Variants in ADGRL1 observed in about 807,000 individuals in gnomAD.
ADGRL1 encodes the protein adhesion G protein-coupled receptor L1.
Under a neutral mutation model 148.9 loss-of-function variants are expected in ADGRL1, and 31 were observed. That is an observed-to-expected ratio of 0.21 (90% CI 0.16 to 0.28). The LOEUF is 0.28. ADGRL1 is among the 10% of genes least tolerant of loss of function. The probability of loss-of-function intolerance (pLI) is 1.00; values close to 1 mark genes in which losing one functional copy is unlikely to be tolerated. For synonymous variants in ADGRL1, 937 were observed against 900.3 expected, an observed-to-expected ratio of 1.04 and a Z score of -0.73; for missense variants, 1,521 against 2,058.8, an observed-to-expected ratio of 0.74 and a Z score of 5.05.
intron 4 of ADGRL1, chr19:14,166,882 G>T: frequency 1.1e-6 from 1 of 923,342 alleles, no homozygotes. Context: ...GGACAACCCA[G>T]GGTGGGGGAT....
chr19:14,203,652 T>TC (rs1209310576), intron 1 of ADGRL1, among the ~76,000 whole-genome samples: 5 of 151,902 alleles, frequency 3.3e-5, no homozygotes, highest in African/African-American at 1.2e-4. Flanking sequence ...GAGAAAGGGC[T>TC]CCCCTGGGCA....
chr19:14,151,044 GC>G lies in ADGRL1; in HGVS notation c.4238del (p.Gly1413AlafsTer115). The G allele has an allele frequency of 2.0e-6, 3 of 1,499,530 alleles. No homozygotes were observed. Among genetic ancestry groups the G allele is most frequent in the Non-Finnish European group, 1.8e-6 (2 of 1,121,356 alleles). The allele number at this position is 1,499,530 out of a possible 1,614,324, so 92.9% of individuals were successfully genotyped here. ...ALPPPPPAPP[G>X]PPEIYYTSRP... ...GCGAGGTGTAGTAGATTTCGGGGGG[GC>G]CGGGGGGTGCGGGAGGGGGTGGGGG... On this transcript the variant is annotated frameshift_variant, in exon 23 of 23. Coordinates refer to ENST00000361434, the MANE Select transcript of ADGRL1 (RefSeq NM_014921.5). LOFTEE classifies it high-confidence loss of function.
Position 14,159,267 on chromosome 19 carries a change from C to T in ADGRL1, c.2024-52G>A, listed in dbSNP as rs765843312. On this transcript the variant is annotated intron_variant, in intron 10 of 22. Transcript: ENST00000361434. This position sits in a 1 kb window ranked among gnomAD's most constrained non-coding sequence, Gnocchi z 6.0. Reference sequence around the variant, plus strand: ...TACACAGTTGGGGTCTGTTCCCAGTCCAGGGGCTCAGGCTGCAGAACGAGA... The same window carrying T: ...TACACAGTTGGGGTCTGTTCCCAGTTCAGGGGCTCAGGCTGCAGAACGAGA... 3.1e-6 allele frequency: 5 copies of T among 1,600,004 alleles called. No homozygotes were observed. In the South Asian group the frequency reaches 5.6e-5, roughly 18 times the overall value.
chr19:14,177,829 C>A, intron 2 of ADGRL1, 85 bp from the exon 3 acceptor site: 1 of 1,248,392 alleles, frequency 8.0e-7, no homozygotes, highest in East Asian at 2.5e-5. Context: ...AACACCACCT[C>A]TGGCTCGGCT....
chr19:14,170,370 G>A lies in ADGRL1; in HGVS notation c.394+312C>T, dbSNP rs115821574. 4.7e-3 allele frequency: 1,097 copies of A among 234,974 alleles called. 19 individuals carry two copies. Among genetic ancestry groups the A allele is most frequent in the African/African-American group, 0.024 (1,039 of 44,212 alleles). The allele number at this position is 234,974 out of a possible 1,614,324, so 14.6% of individuals were successfully genotyped here. ...GACGTAAGTGTGCCAGGCAGAGCAC[G>A]GGACCATGGCCTGGCAGTGTGGAAA... On this transcript the variant is annotated intron_variant, in intron 4 of 22. Coordinates refer to ENST00000361434, the MANE Select transcript of ADGRL1 (RefSeq NM_014921.5).
At chr19:14,198,163 G>A (rs1299024863) in intron 1 of ADGRL1, among the ~76,000 whole-genome samples, 1 of 151,944 alleles carries the variant, frequency 6.6e-6, no homozygotes, top group African/African-American at 2.4e-5. Context: ...AGGAGGTGAG[G>A]GCGGCTGGGG....
chr19:14,149,970 T>A lies in ADGRL1; in HGVS notation c.*903A>T, dbSNP rs1341771820. 7.0e-6 allele frequency: 1 copy of A among 143,510 alleles called. No homozygotes were observed. The highest frequency in any genetic ancestry group is 1.5e-5 in the Non-Finnish European group (1 of 66,368). 8.9% of individuals were successfully genotyped at this position (143,510 alleles called of 1,614,324 possible). ...TTTTTTCTTTTCCATTTCGTTGAAA[T>A]ATTTACAGCAATGGGGAAGGAGGAG... On this transcript the variant is annotated 3_prime_UTR_variant, in exon 23 of 23. Coordinates refer to ENST00000361434, the MANE Select transcript of ADGRL1 (RefSeq NM_014921.5).
chr19:14,177,875 T>G, intron 2 of ADGRL1, 131 bp from the exon 3 acceptor site: 1 of 736,770 alleles, frequency 1.4e-6, no homozygotes, highest in Non-Finnish European at 2.2e-6. Flanking sequence ...CCTCAGTTGA[T>G]TCAGCTGTAG....
At chr19:14,196,151 C>G (rs1972247139) in intron 1 of ADGRL1, among the ~76,000 whole-genome samples, 1 of 152,240 alleles carries the variant, frequency 6.6e-6, no homozygotes, top group African/African-American at 2.4e-5. Flanking sequence ...CCCATCCAAT[C>G]TCTACCTCGA....
intron 18 of ADGRL1, among the ~76,000 whole-genome samples, chr19:14,153,911 T>C (rs1464963260): frequency 6.6e-6 from 1 of 151,216 alleles, no homozygotes; most frequent in Non-Finnish European, 1.5e-5. Context: ...CATTGCACTC[T>C]AGCCTGGGGA....
chr19:14,156,676 TG>T lies in ADGRL1; in HGVS notation c.3014del (p.Pro1005GlnfsTer15), dbSNP rs2144666708. On this transcript the variant is annotated frameshift_variant, in exon 16 of 23. Coordinates refer to ENST00000361434, the MANE Select transcript of ADGRL1 (RefSeq NM_014921.5). LOFTEE classifies it high-confidence loss of function. ...AACTCACCACGATAACGAAGGAGAC[TG>T]GCCCGATGAAACTCCAGATGAAGTA... ...DNYFIWSFIG[P>X]VSFVIVVNLV... 1 of 1,611,616 alleles carries T rather than the reference TG, an allele frequency of 6.2e-7. No individual in the cohort carries two copies. Among genetic ancestry groups the T allele is most frequent in the South Asian group, 1.1e-5 (1 of 90,668 alleles).
At chr19:14,165,958 TC>T (rs1969920364) in intron 4 of ADGRL1, among the ~76,000 whole-genome samples, 1 of 151,960 alleles carries the variant, frequency 6.6e-6, no homozygotes, top group African/African-American at 2.4e-5. Flanking sequence ...GAAATGGTCA[TC>T]CCTAACATCT....
chr19:14,202,477 C>T lies in ADGRL1; in HGVS notation c.-96+3508G>A, dbSNP rs541240723. Among the ~76,000 whole-genome samples the T allele has an allele frequency of 3.3e-5, 5 of 152,010 alleles. No homozygotes were observed. In the East Asian group the frequency reaches 9.7e-4, roughly 29 times the overall value. ...CATGTTGGCCAGGCTGGTCTCGAGC[C>T]CCTGACCTCAGGTGATCCACCCGCC... is the stretch of plus-strand genomic sequence containing the variant. On this transcript the variant is annotated intron_variant, in intron 1 of 22. Transcript: ENST00000361434.
At chr19:14,179,476 A>C (rs556957326) in intron 2 of ADGRL1, among the ~76,000 whole-genome samples, 24 of 152,190 alleles carry the variant, frequency 1.6e-4, no homozygotes, top group African/African-American at 5.8e-4. Flanking sequence ...CCTGGGCGAC[A>C]GAGCGAGACT....
intron 1 of ADGRL1, among the ~76,000 whole-genome samples, chr19:14,200,673 C>T (rs560570736): frequency 5.9e-5 from 9 of 152,260 alleles, no homozygotes; most frequent in Middle Eastern, 3.4e-3. Flanking sequence ...AATGCAGTGG[C>T]GCGATCACAG....
chr19:14,149,298 T>G lies in ADGRL1; in HGVS notation c.*1575A>C, dbSNP rs925441701. ...CCCTGGCACCTGGCTTCGTCTTCCC[T>G]GCGGGAAGGTGGAGGATAGGGAAGG... On this transcript the variant is annotated 3_prime_UTR_variant, in exon 23 of 23. Transcript: ENST00000361434. 6.6e-6 allele frequency: 1 copy of G among 152,346 alleles called. No individual in the cohort carries two copies. The highest frequency in any genetic ancestry group is 6.5e-5 in the Admixed American group (1 of 15,286). 9.4% of individuals were successfully genotyped at this position (152,346 alleles called of 1,614,324 possible).
At chr19:14,158,950 T>G in intron 11 of ADGRL1, 140 bp downstream of exon 11, 1 of 1,083,268 alleles carries the variant, frequency 9.2e-7, no homozygotes, top group Non-Finnish European at 1.3e-6. Context: ...TCAGGGCCCA[T>G]GAATCCCCTC....
intron 1 of ADGRL1, among the ~76,000 whole-genome samples, chr19:14,194,692 G>A (rs895753351): frequency 2.0e-5 from 3 of 152,076 alleles, no homozygotes; most frequent in African/African-American, 4.8e-5. Context: ...ATCCTGGGGG[G>A]CCAGAAGAGC....
At chr19:14,195,145 A>T (rs1339882927) in intron 1 of ADGRL1, among the ~76,000 whole-genome samples, 1 of 151,982 alleles carries the variant, frequency 6.6e-6, no homozygotes, top group Admixed American at 6.6e-5. Flanking sequence ...TCAGCCTCCC[A>T]AAGTGCTGGG....
Sources: allele counts gnomAD v4.1 joint callset (sites outside exome capture counted in the v4.1 genomes callset), GRCh38; gene constraint gnomAD v4.1.1; non-coding constraint Gnocchi (gnomAD v3.1); transcripts MANE v1.5; gene names NCBI Gene and HGNC (gene_info 2026-07-23, HGNC 2026-07-21).